The following PLCB1 variants were observed in gnomAD, a reference collection of about 807,000 sequenced individuals.
PLCB1 encodes the protein phospholipase C beta 1.
A neutral mutation model predicts 161.8 loss-of-function variants in PLCB1; 46 were observed. The observed-to-expected ratio is 0.28, with a 90% CI of 0.22 to 0.36. The LOEUF is 0.36. PLCB1 is among the 10% of genes least tolerant of loss of function. The pLI is 1.00. For missense variants in PLCB1, 1,016 were observed against 1,472.5 expected (o/e 0.69, Z 5.07); for synonymous variants, 517 against 503.7 (o/e 1.03, Z -0.35).
At chr20:8,725,220 C>T (rs1252450287) in intron 16 of PLCB1, among the ~76,000 whole-genome samples, 1 of 152,126 alleles carries the variant, frequency 6.6e-6, no homozygotes, top group Non-Finnish European at 1.5e-5. Context: ...ATTTGTCCAT[C>T]ACATGTATAT....
At chr20:8,512,950 C>A (rs1307878059) in intron 3 of PLCB1, among the ~76,000 whole-genome samples, 1 of 152,058 alleles carries the variant, frequency 6.6e-6, no homozygotes, top group Non-Finnish European at 1.5e-5. Context: ...CTTTTACCTC[C>A]CACCCTCTCC....
intron 3 of PLCB1, among the ~76,000 whole-genome samples, chr20:8,570,408 A>G (rs781319652): frequency 6.6e-6 from 1 of 152,192 alleles, no homozygotes; most frequent in African/African-American, 2.4e-5. Context: ...ATATAGGTAT[A>G]TATGTCGTTT....
chr20:8,580,869 C>T (rs766064613), intron 3 of PLCB1, among the ~76,000 whole-genome samples: 2 of 152,158 alleles, frequency 1.3e-5, no homozygotes, highest in South Asian at 2.1e-4. Flanking sequence ...GGTGACACTT[C>T]GGGCAAAGGG....
At chr20:8,539,982 C>T (rs1985243111) in intron 3 of PLCB1, among the ~76,000 whole-genome samples, 1 of 152,022 alleles carries the variant, frequency 6.6e-6, no homozygotes, top group South Asian at 2.1e-4. Context: ...CATTTGACCT[C>T]CAGCATTAGC....
At chr20:8,292,170 A>C (rs1983414275) in intron 2 of PLCB1, among the ~76,000 whole-genome samples, 1 of 152,078 alleles carries the variant, frequency 6.6e-6, no homozygotes. Flanking sequence ...CTGACTGAAG[A>C]AAGAAACTTT....
In PLCB1 at chr20:8,132,621, C is replaced by T; in HGVS notation, c.-31C>T. 2 of 1,541,810 alleles carry T rather than the reference C, an allele frequency of 1.3e-6. No homozygotes were observed. The highest frequency in any genetic ancestry group is 1.8e-6 in the Non-Finnish European group (2 of 1,128,072). ...CGGTCCCCAGTCCCTGCCGCGCTCG[C>T]CCGGGCCGCCCGGAGCCCAGATGAG... On this transcript the variant is annotated 5_prime_UTR_variant, in exon 1 of 32. Transcript: ENST00000338037. This position sits in a 1 kb window ranked among gnomAD's most constrained non-coding sequence, Gnocchi z 5.2.
chr20:8,651,482 C>A, intron 7 of PLCB1: 1 of 724,126 alleles, frequency 1.4e-6, no homozygotes, highest in Non-Finnish European at 2.6e-6. Flanking sequence ...ACATTTTCAC[C>A]TTCATTTTAT....
At chr20:8,254,878 T>C (rs1400765984) in intron 2 of PLCB1, among the ~76,000 whole-genome samples, 1 of 152,062 alleles carries the variant, frequency 6.6e-6, no homozygotes. Flanking sequence ...TGAACTTAAT[T>C]GCACAATATT....
At chr20:8,687,266 C>A (rs1338462329) in intron 10 of PLCB1, among the ~76,000 whole-genome samples, 1 of 152,158 alleles carries the variant, frequency 6.6e-6, no homozygotes, top group Non-Finnish European at 1.5e-5. Context: ...CTCAAGCAAT[C>A]CTTCTGCCTC....
At chr20:8,176,485 G>A (rs531872824) in intron 2 of PLCB1, among the ~76,000 whole-genome samples, 4 of 152,190 alleles carry the variant, frequency 2.6e-5, no homozygotes, top group African/African-American at 9.7e-5. Context: ...AGGCACAGGC[G>A]TAGGCAGGGA....
At chr20:8,762,152 G>A (rs1414860965) in intron 25 of PLCB1, among the ~76,000 whole-genome samples, 2 of 152,262 alleles carry the variant, frequency 1.3e-5, no homozygotes, top group East Asian at 1.9e-4. Flanking sequence ...GGAGGTTGCC[G>A]TGAGCCAAGG....
At chr20:8,144,024 AG>A (rs2123020252) in intron 1 of PLCB1, among the ~76,000 whole-genome samples, 1 of 152,294 alleles carries the variant, frequency 6.6e-6, no homozygotes, top group African/African-American at 2.4e-5. Context: ...CATAGCCAAA[AG>A]TCCCCTGGGG....
intron 2 of PLCB1, among the ~76,000 whole-genome samples, chr20:8,254,319 C>T (rs1433700170): frequency 1.3e-5 from 2 of 151,900 alleles, no homozygotes; most frequent in Admixed American, 6.6e-5. Context: ...AGGTTATACC[C>T]ACCTGGGAAT....
intron 11 of PLCB1, 129 bp from the exon 12 acceptor site, chr20:8,708,541 G>A (rs574393404): frequency 3.2e-6 from 2 of 624,286 alleles, no homozygotes; most frequent in East Asian, 5.7e-5. Context: ...ATCCCTTCTA[G>A]CCATTTCAGG....
At chr20:8,661,234 A>G (rs909855046) in intron 9 of PLCB1, among the ~76,000 whole-genome samples, 5 of 152,060 alleles carry the variant, frequency 3.3e-5, no homozygotes, top group African/African-American at 1.2e-4. Context: ...TGAAATCCTT[A>G]ATGTAGACTT....
intron 23 of PLCB1, among the ~76,000 whole-genome samples, chr20:8,743,590 C>G (rs1297002449): frequency 6.6e-6 from 1 of 152,062 alleles, no homozygotes; most frequent in Non-Finnish European, 1.5e-5. Context: ...TTTCCTGAGA[C>G]CATTCTCTCA....
At chr20:8,273,471 C>A (rs1464553638) in intron 2 of PLCB1, among the ~76,000 whole-genome samples, 1 of 152,118 alleles carries the variant, frequency 6.6e-6, no homozygotes, top group Non-Finnish European at 1.5e-5. Flanking sequence ...CAGTAATTCA[C>A]TTCTAAGCTT....
Position 8,442,307 on chromosome 20 carries a change from C to T in PLCB1, c.246+70857C>T, listed in dbSNP as rs181518703. On this transcript the variant is annotated intron_variant, in intron 3 of 31. Coordinates refer to ENST00000338037, the MANE Select transcript of PLCB1 (RefSeq NM_015192.4). ...AGATGTTCAAGGGGCCGGCAGGTTTCGTTGTCTGTGAGGGTGGCTCTCTGC... is the reference window on the plus strand; with the variant it reads ...AGATGTTCAAGGGGCCGGCAGGTTTTGTTGTCTGTGAGGGTGGCTCTCTGC... Among the ~76,000 whole-genome samples the T allele has an allele frequency of 1.3e-3, 203 of 152,288 alleles. 1 individual carries two copies. The highest frequency in any genetic ancestry group is 0.011 in the Admixed American group (166 of 15,294).
At chr20:8,224,398 A>T (rs1323927179) in intron 2 of PLCB1, among the ~76,000 whole-genome samples, 1 of 152,152 alleles carries the variant, frequency 6.6e-6, no homozygotes, top group Non-Finnish European at 1.5e-5. Context: ...TTTGCTTTTG[A>T]CTAATAACGT....
Sources: allele counts gnomAD v4.1 joint callset (sites outside exome capture counted in the v4.1 genomes callset), GRCh38; gene constraint gnomAD v4.1.1; non-coding constraint Gnocchi (gnomAD v3.1); transcripts MANE v1.5; gene names NCBI Gene and HGNC (gene_info 2026-07-23, HGNC 2026-07-21).